ANK1: variants seen among roughly 807,000 people sequenced by gnomAD.
ANK1 encodes ankyrin-1.
Under a neutral mutation model 210.4 loss-of-function variants are expected in ANK1, and 51 were observed. That is an observed-to-expected ratio of 0.24 (90% confidence interval 0.19 to 0.31). The LOEUF (loss-of-function observed/expected upper bound fraction) is 0.31, where lower values mean the gene tolerates loss of function less well. Ranked by LOEUF, ANK1 falls within the 10% of genes least tolerant of loss-of-function variation. ANK1 has a pLI of 1.00. For synonymous variants in ANK1, 967 were observed against 1,025.9 expected (o/e 0.94, Z 1.10); for missense variants, 2,051 against 2,504.4 (o/e 0.82, Z 3.86).
intron 16 of ANK1, among the ~76,000 whole-genome samples, chr8:41,709,741 C>T (rs1388182725): frequency 6.6e-6 from 1 of 152,090 alleles, no homozygotes; most frequent in Non-Finnish European, 1.5e-5. Context: ...TTGAGACCAG[C>T]CTGGGCAACA....
rs189691422 is a variant in ANK1, at chr8:41,702,468, G to A, written c.2296-324C>T. Among the ~76,000 whole-genome samples the A allele has an allele frequency of 2.5e-3, 375 of 152,318 alleles. 2 individuals carry two copies. The highest frequency in any genetic ancestry group is 8.4e-3 in the African/African-American group (350 of 41,570). ...CTGCTAAGTGGGAACCCACTGGGAA[G>A]GAGGTCAGGAAGTTGCCAGATGCAA... On this transcript the variant is annotated intron_variant, in intron 20 of 42. Transcript: ENST00000289734.
chr8:41,827,309 T>A (rs1373307266), intron 1 of ANK1, among the ~76,000 whole-genome samples: 1 of 152,238 alleles, frequency 6.6e-6, no homozygotes, highest in East Asian at 1.9e-4. Context: ...TAATCCAGCC[T>A]TTCCCCTTGC....
chr8:41,696,716 A>C lies in ANK1; in HGVS notation c.2695T>G (p.Ser899Ala). Residue 899 changes from serine (S) to alanine (A), a missense_variant, in exon 25 of 43, where the codon TCA becomes GCA. Coordinates refer to ENST00000289734, the MANE Select transcript of ANK1 (RefSeq NM_000037.4). The part of the protein sequence containing the change: ...LIPSSPATET[S>A]DNISPVASPV... ...CTGGCCACCGGGCTGATGTTGTCTG[A>C]GGTCTCGGTGGCCGGGCTGCTGGGG... The C allele has an allele frequency of 6.2e-7, 1 of 1,602,648 alleles. No individual in the cohort carries two copies.
At chr8:41,723,495 T>C (rs1409500035) in intron 8 of ANK1, 40 bp downstream of exon 8, 6 of 1,592,758 alleles carry the variant, frequency 3.8e-6, no homozygotes, top group African/African-American at 1.3e-5. Context: ...AGGGGGGACC[T>C]CCCTCCCCCT....
chr8:41,714,901 T>C, intron 15 of ANK1, 75 bp downstream of exon 15: 1 of 1,399,526 alleles, frequency 7.1e-7, no homozygotes, highest in South Asian at 1.2e-5. Context: ...AGATGGAATC[T>C]GCAAGTGCTG....
intron 2 of ANK1, among the ~76,000 whole-genome samples, chr8:41,752,762 C>A (rs1349059305): frequency 6.6e-6 from 1 of 151,068 alleles, no homozygotes; most frequent in South Asian, 2.1e-4. Flanking sequence ...ATCCAAGATG[C>A]CCACACGTCC....
intron 20 of ANK1, among the ~76,000 whole-genome samples, chr8:41,703,438 ATATATATATATAT>A (rs1266077279): frequency 1.3e-4 from 9 of 68,534 alleles, no homozygotes; most frequent in South Asian, 6.7e-4. Context: ...ATATATATAT[ATATATATATATAT>A]TTTTTTTTTT....
chr8:41,747,495 C>T (rs1836478774), intron 2 of ANK1, among the ~76,000 whole-genome samples: 1 of 152,198 alleles, frequency 6.6e-6, no homozygotes, highest in South Asian at 2.1e-4. Context: ...TTGCATTTAT[C>T]TGCGCTTGTG....
chr8:41,672,475 C>T lies in ANK1; in HGVS notation c.4975G>A (p.Ala1659Thr), dbSNP rs766323786. ...KLPGSKRQDD[A>T]TGAGQDSENE... The stretch of plus-strand genomic sequence containing the variant: ...TCTGAGTCCTGCCCTGCACCTGTCG[C>T]GTCATCCTGCCTCTTAGAACCTGGC... The change falls in exon 38 of 43, where the codon GCG (alanine) becomes ACG (threonine). Residue 1659 changes from alanine (A) to threonine (T), a missense_variant. Transcript: ENST00000289734. 69 of 1,614,130 alleles carry T rather than the reference C, an allele frequency of 4.3e-5. No individual in the cohort carries two copies. The highest frequency in any genetic ancestry group is 4.0e-5 in the Non-Finnish European group (47 of 1,180,054).
Position 41,825,276 on chromosome 8 carries a change from A to G in ANK1, c.127-67139T>C, listed in dbSNP as rs1262176995. Among the ~76,000 whole-genome samples the G allele has an allele frequency of 2.0e-5, 3 of 152,240 alleles. No individual in the cohort carries two copies. The East Asian group carries it at 5.8e-4, about 29-fold the overall frequency. Reference sequence around the variant, plus strand: ...AAAAAGATTTTGAGCTCATGATGTTACTGTTCTGTGGATTAGGTAAAGAAA... The same window carrying G: ...AAAAAGATTTTGAGCTCATGATGTTGCTGTTCTGTGGATTAGGTAAAGAAA... On this transcript the variant is annotated intron_variant, in intron 1 of 42. Coordinates refer to the ANK1 transcript ENST00000265709.
rs758367478 is a variant in ANK1 at position 41,728,004 on chromosome 8, C to T, written c.231G>A (p.Lys77=). 6.2e-7 allele frequency: 1 copy of T among 1,613,962 alleles called. No homozygotes were observed. Residue 77 remains lysine, a splice_region_variant and synonymous_variant, in exon 4 of 43, where the codon AAG becomes AAA. Coordinates refer to ENST00000289734, the MANE Select transcript of ANK1 (RefSeq NM_000037.4). ...KEIILETTTK[K]GNTALHIAAL... is the part of the protein sequence containing the mutation. ...CAGCGATGTGCAGGGCCGTGTTCCCCTTCTGAAACACATGGGGGAAGGGAA... is the reference window on the plus strand; with the variant it reads ...CAGCGATGTGCAGGGCCGTGTTCCCTTTCTGAAACACATGGGGGAAGGGAA...
chr8:41,796,611 C>T (rs902961640), intron 1 of ANK1, among the ~76,000 whole-genome samples: 1 of 150,980 alleles, frequency 6.6e-6, no homozygotes, highest in South Asian at 2.1e-4. Context: ...AAGAAATTCC[C>T]GCTTAGTATT....
At position 41,783,850 on chromosome 8, in the gene ANK1, G is replaced by A. The variant is rs532554721; in HGVS notation, c.27+13662C>T. 2.0e-5 allele frequency among the ~76,000 whole-genome samples: 3 copies of A among 152,228 alleles called. No individual in the cohort carries two copies. The East Asian group carries it at 5.8e-4, about 29-fold the overall frequency. On this transcript the variant is annotated intron_variant, in intron 1 of 42. Coordinates refer to ENST00000289734, the MANE Select transcript of ANK1 (RefSeq NM_000037.4). The stretch of plus-strand genomic sequence containing the variant: ...GGCCAAAGTGGGAGGATCATTTGAG[G>A]CCAGGAGTTTGCCACCAGACTGGGC...
intron 22 of ANK1, among the ~76,000 whole-genome samples, chr8:41,701,126 G>A (rs1244980287): frequency 1.3e-5 from 2 of 152,118 alleles, no homozygotes; most frequent in Non-Finnish European, 2.9e-5. Context: ...CCCACTATGT[G>A]GTCAGAAGTG....
intron 1 of ANK1, among the ~76,000 whole-genome samples, chr8:41,815,428 C>G (rs960996034): frequency 6.6e-6 from 1 of 151,918 alleles, no homozygotes; most frequent in African/African-American, 2.4e-5. Context: ...TTTTAAAAAC[C>G]GTTATAATAA....
At chr8:41,769,331 T>A (rs1197721628) in intron 1 of ANK1, among the ~76,000 whole-genome samples, 1 of 152,218 alleles carries the variant, frequency 6.6e-6, no homozygotes, top group Non-Finnish European at 1.5e-5. Flanking sequence ...AAAGCCCAGC[T>A]CACCCTCCAG....
chr8:41,666,689 C>T (rs1810653956), intron 39 of ANK1, among the ~76,000 whole-genome samples: 1 of 152,256 alleles, frequency 6.6e-6, no homozygotes. Context: ...CCTTCAAGGG[C>T]ATCCTTATCA....
rs150850103 is a variant in ANK1 at position 41,695,168 on chromosome 8, C to T, written c.3115+9G>A. The T allele has an allele frequency of 1.1e-3, 1,821 of 1,614,064 alleles. 20 individuals carry two copies. In the African/African-American group the frequency reaches 0.019, roughly 17 times the overall value. On this transcript the variant is annotated intron_variant, in intron 27 of 42. Coordinates refer to ENST00000289734, the MANE Select transcript of ANK1 (RefSeq NM_000037.4). The stretch of plus-strand genomic sequence containing the variant: ...GAGGGGACCCAGCCCTGGGATCCCC[C>T]GCCCCTACCTTCGTCCATCCCGTTG...
intron 1 of ANK1, among the ~76,000 whole-genome samples, chr8:41,796,769 GAA>G (rs1848810724): frequency 6.6e-6 from 1 of 151,676 alleles, no homozygotes; most frequent in Non-Finnish European, 1.5e-5. Flanking sequence ...ACTAAACTAA[GAA>G]CCGTACCCAA....
Sources: gnomAD v4.1 joint callset for allele counts (sites outside exome capture counted in the v4.1 genomes callset) on GRCh38, gnomAD v4.1.1 for gene constraint, MANE v1.5 for transcripts, NCBI Gene and HGNC (gene_info 2026-07-23, HGNC 2026-07-21) for gene names.